GARIN2: variants seen among roughly 807,000 people sequenced by gnomAD.
The protein encoded by GARIN2 is golgi associated RAB2 interactor family member 2, also known as Golgi-associated RAB2 interactor protein 2.
the GARIN2 span, among the ~76,000 whole-genome samples, chr14:67,209,579 G>A: frequency 2.4e-4 from 37 of 152,228 alleles, no homozygotes; most frequent in African/African-American, 8.9e-4. Flanking sequence ...CAGCACTTTG[G>A]GAGGCTGAGG....
chr14:67,227,829 G>GT, the GARIN2 span: 8 of 152,150 alleles, frequency 5.3e-5, no homozygotes, highest in Admixed American at 2.0e-4. Context: ...GAATGGACAG[G>GT]TTTTTCCTTG....
the GARIN2 span, chr14:67,204,469 A>C: frequency 1.4e-6 from 2 of 1,467,744 alleles, no homozygotes; most frequent in Non-Finnish European, 1.8e-6. Context: ...ATATATATAT[A>C]TAAGAAAGGC....
the GARIN2 span, among the ~76,000 whole-genome samples, chr14:67,193,453 A>G: frequency 1.4e-5 from 2 of 142,786 alleles, no homozygotes; most frequent in South Asian, 2.2e-4. Context: ...ACAGATCTCT[A>G]TATATCTAGA....
At chr14:67,205,323 G>A in the GARIN2 span, among the ~76,000 whole-genome samples, 1 of 152,066 alleles carries the variant, frequency 6.6e-6, no homozygotes, top group Non-Finnish European at 1.5e-5. Flanking sequence ...CCCAGCATCA[G>A]AAATGGAAAG....
At chr14:67,221,323 G>A in the GARIN2 span, among the ~76,000 whole-genome samples, 3 of 152,188 alleles carry the variant, frequency 2.0e-5, no homozygotes, top group East Asian at 1.9e-4. Flanking sequence ...CCAGAAGTTG[G>A]TGATTTCTCC....
At chr14:67,210,829 A>C in the GARIN2 span, among the ~76,000 whole-genome samples, 1 of 152,014 alleles carries the variant, frequency 6.6e-6, no homozygotes, top group Non-Finnish European at 1.5e-5. Context: ...CCTGGGCTAC[A>C]TGGTGAAACC....
the GARIN2 span, among the ~76,000 whole-genome samples, chr14:67,226,291 A>C: frequency 6.6e-6 from 1 of 152,198 alleles, no homozygotes; most frequent in Non-Finnish European, 1.5e-5. Context: ...TCCTGGGTTC[A>C]AGTGGTTCTC....
chr14:67,220,434 C>T, the GARIN2 span, among the ~76,000 whole-genome samples: 1 of 150,826 alleles, frequency 6.6e-6, no homozygotes, highest in Non-Finnish European at 1.5e-5. Context: ...AGAGAGAGAC[C>T]TTTTCTCAGG....
the GARIN2 span, among the ~76,000 whole-genome samples, chr14:67,207,861 G>A: frequency 6.6e-6 from 1 of 152,172 alleles, no homozygotes. Context: ...ACTCAGACTG[G>A]GGAATCAGTG....
the GARIN2 span, among the ~76,000 whole-genome samples, chr14:67,195,713 T>TGTGTG: frequency 7.0e-6 from 1 of 143,232 alleles, no homozygotes; most frequent in African/African-American, 2.5e-5. Context: ...TTCTTTTTGG[T>TGTGTG]TGTGTGTGTG....
At chr14:67,225,003 C>A in the GARIN2 span, 2 of 810,474 alleles carry the variant, frequency 2.5e-6, no homozygotes, top group Non-Finnish European at 3.8e-6. Context: ...TCAAAATAAG[C>A]TCTTTCTCCT....
chr14:67,226,252 C>T, the GARIN2 span, among the ~76,000 whole-genome samples: 2 of 152,258 alleles, frequency 1.3e-5, no homozygotes, highest in Non-Finnish European at 1.5e-5. Context: ...AGTGCAGTGG[C>T]GCAATCTTGG....
the GARIN2 span, chr14:67,199,748 T>G: frequency 1.9e-6 from 3 of 1,557,180 alleles, no homozygotes; most frequent in Non-Finnish European, 2.6e-6. Context: ...ATCATTGGGG[T>G]CTGGGCTTCC....
chr14:67,203,317 A>C, the GARIN2 span: 4 of 1,535,690 alleles, frequency 2.6e-6, no homozygotes, highest in Non-Finnish European at 3.5e-6. Context: ...AGAAGAGGTT[A>C]AAGATCTCTC....
chr14:67,201,315 T>G, the GARIN2 span: 5 of 350,924 alleles, frequency 1.4e-5, no homozygotes, highest in Non-Finnish European at 2.8e-5. Context: ...AAATAAATAT[T>G]TTTAAAAAAA....
chr14:67,195,179 G>A, the GARIN2 span, among the ~76,000 whole-genome samples: 1 of 152,188 alleles, frequency 6.6e-6, no homozygotes, highest in Admixed American at 6.5e-5. Flanking sequence ...GAACATCACA[G>A]CAAAGTTGAT....
the GARIN2 span, among the ~76,000 whole-genome samples, chr14:67,213,786 G>A: frequency 3.9e-5 from 6 of 152,188 alleles, no homozygotes; most frequent in Non-Finnish European, 7.3e-5. Context: ...CACCAATAGT[G>A]TAAAAGTGTT....
At chr14:67,203,922 G>A in the GARIN2 span, among the ~76,000 whole-genome samples, 7 of 152,312 alleles carry the variant, frequency 4.6e-5, no homozygotes, top group South Asian at 1.2e-3. Flanking sequence ...ATATTGGTCA[G>A]GCTGGTATTG....
chr14:67,195,001 A>G, the GARIN2 span, among the ~76,000 whole-genome samples: 2 of 152,158 alleles, frequency 1.3e-5, no homozygotes, highest in Admixed American at 1.3e-4. Context: ...CACCACGCCC[A>G]AGCCTGGACT....
Sources: allele counts gnomAD v4.1 joint callset (sites outside exome capture counted in the v4.1 genomes callset), GRCh38; gene constraint gnomAD v4.1.1; transcripts MANE v1.5; gene names NCBI Gene and HGNC (gene_info 2026-07-23, HGNC 2026-07-21).